Variants in JAKMIP3 observed in about 807,000 individuals in gnomAD.
The protein encoded by JAKMIP3 is janus kinase and microtubule-interacting protein 3.
JAKMIP3 carries 58 observed loss-of-function variants against 118.5 expected under a neutral mutation model. That is an observed-to-expected ratio of 0.49 (90% confidence interval 0.40 to 0.61). JAKMIP3 has a LOEUF of 0.61. JAKMIP3 is among the 20% of genes least tolerant of loss of function. The pLI is 0.00. For missense variants in JAKMIP3, 950 were observed against 1,109.0 expected (o/e 0.86, Z 2.04); for synonymous variants, 486 against 451.2 (o/e 1.08, Z -0.98).
intron 1 of JAKMIP3, among the ~76,000 whole-genome samples, chr10:132,057,034 A>G (rs1411126871): frequency 1.3e-5 from 2 of 152,098 alleles, no homozygotes; most frequent in South Asian, 2.1e-4. Flanking sequence ...CTCTCAGCCT[A>G]TATCCCACCA....
chr10:132,060,067 G>A (rs1054434199), upstream of JAKMIP3, among the ~76,000 whole-genome samples: 1 of 152,314 alleles, frequency 6.6e-6, no homozygotes, highest in East Asian at 1.9e-4. Context: ...AGGCTGCTGC[G>A]AAGACCCTGG....
At chr10:132,164,066 G>A (rs1485659677) in intron 20 of JAKMIP3, among the ~76,000 whole-genome samples, 2 of 152,238 alleles carry the variant, frequency 1.3e-5, no homozygotes, top group African/African-American at 4.8e-5. Context: ...CACCACTAGC[G>A]AAGGCTTAGT....
intron 2 of JAKMIP3, among the ~76,000 whole-genome samples, chr10:132,107,640 A>G (rs925102200): frequency 6.6e-6 from 1 of 152,246 alleles, no homozygotes; most frequent in Non-Finnish European, 1.5e-5. Context: ...CGTAACTGAC[A>G]GCATGCTGGA....
intron 1 of JAKMIP3, among the ~76,000 whole-genome samples, chr10:132,052,178 A>G (rs1007623269): frequency 5.3e-5 from 8 of 152,182 alleles, no homozygotes; most frequent in Non-Finnish European, 1.0e-4. Context: ...GTGAGCTGAG[A>G]TTGTGCCACT....
At chr10:132,060,980 G>A (rs1465529414), upstream of JAKMIP3, among the ~76,000 whole-genome samples, 1 of 152,012 alleles carries the variant, frequency 6.6e-6, no homozygotes, top group African/African-American at 2.4e-5. Flanking sequence ...GGCCAAGATC[G>A]CACCACTGCA....
In JAKMIP3 at chr10:132,135,736, C is replaced by T. The variant is rs940836849; in HGVS notation, c.970-194C>T. On this transcript the variant is annotated intron_variant, in intron 5 of 23. Coordinates refer to ENST00000684848, the MANE Select transcript of JAKMIP3 (RefSeq NM_001323087.2). ...CACCTGGGCACTGGACGAGCAGGTTCACCAGTGCTCTGGGCAAGTGGGTTC... is the reference window on the plus strand; with the variant it reads ...CACCTGGGCACTGGACGAGCAGGTTTACCAGTGCTCTGGGCAAGTGGGTTC... 2.6e-5 allele frequency among the ~76,000 whole-genome samples: 4 copies of T among 152,154 alleles called. No individual in the cohort carries two copies. The South Asian group carries it at 6.2e-4, about 24-fold the overall frequency.
intron 1 of JAKMIP3, among the ~76,000 whole-genome samples, chr10:132,068,055 G>A (rs1173477614): frequency 6.8e-6 from 1 of 146,656 alleles, no homozygotes; most frequent in Non-Finnish European, 1.5e-5. Context: ...CGTGTGGACT[G>A]TGGGCTTCCG....
chr10:132,083,002 T>C (rs991442861), intron 1 of JAKMIP3, among the ~76,000 whole-genome samples: 1 of 152,268 alleles, frequency 6.6e-6, no homozygotes, highest in Admixed American at 6.5e-5. Flanking sequence ...TAAACGTGCA[T>C]GTGCAAGTAT....
chr10:132,142,265 C>T (rs2053669431), intron 11 of JAKMIP3, among the ~76,000 whole-genome samples: 1 of 152,202 alleles, frequency 6.6e-6, no homozygotes, highest in Non-Finnish European at 1.5e-5. Flanking sequence ...GGGACTGGCC[C>T]AGAGCGGTGC....
chr10:132,100,993 G>C (rs2044802952), intron 1 of JAKMIP3, among the ~76,000 whole-genome samples: 1 of 152,108 alleles, frequency 6.6e-6, no homozygotes, highest in South Asian at 2.1e-4. Context: ...ACTCAATATA[G>C]TTACCGTATC....
At chr10:132,102,893 C>A (rs1379775247) in intron 1 of JAKMIP3, among the ~76,000 whole-genome samples, 1 of 151,724 alleles carries the variant, frequency 6.6e-6, no homozygotes, top group Non-Finnish European at 1.5e-5. Context: ...GGGCTGTGTT[C>A]ACCAGGCCGG....
At chr10:132,075,045 T>C (rs2040558750) in intron 1 of JAKMIP3, among the ~76,000 whole-genome samples, 1 of 152,248 alleles carries the variant, frequency 6.6e-6, no homozygotes, top group Non-Finnish European at 1.5e-5. Context: ...ATGTGTCTAT[T>C]TTATACCAGC....
In JAKMIP3 at chr10:132,049,091, CT is replaced by C. The variant is rs544446897; in HGVS notation, c.-138+12358del. On this transcript the variant is annotated intron_variant, in intron 1 of 23. Transcript: ENST00000657785. The surrounding 1 kb of genome is among the most constrained non-coding windows in gnomAD (Gnocchi z 4.3). The stretch of plus-strand genomic sequence containing the variant: ...GGCCGACTCCATCAAGTTAATTGAC[CT>C]TTTTGCCTGGAAGCCTTGAGGATTT... Among the ~76,000 whole-genome samples, 5 of 152,172 alleles carry C rather than the reference CT, an allele frequency of 3.3e-5. No homozygotes were observed. The South Asian group carries it at 8.3e-4, about 25-fold the overall frequency.
At chr10:132,061,221 A>G (rs9665443), upstream of JAKMIP3, among the ~76,000 whole-genome samples, 3 of 35,022 alleles carry the variant, frequency 8.6e-5, no homozygotes, top group Admixed American at 8.7e-4. Flanking sequence ...GTGACGGCGC[A>G]CACATACACC....
intron 23 of JAKMIP3, among the ~76,000 whole-genome samples, chr10:132,169,421 C>G (rs940387472): frequency 6.6e-6 from 1 of 152,220 alleles, no homozygotes; most frequent in Admixed American, 6.5e-5. Context: ...GCCCCACACT[C>G]GGCCCCGGCA....
rs183081379 is a variant in JAKMIP3 at position 132,134,970 on chromosome 10, G to A, written c.850-71G>A. ...ACGGCAGCGTTTTTGTTCCCGTAGC[G>A]TGCTGGGATTTGCAAAGGCTTCCCA... is the stretch of plus-strand genomic sequence containing the variant. On this transcript the variant is annotated intron_variant, in intron 4 of 23. Coordinates refer to ENST00000684848, the MANE Select transcript of JAKMIP3 (RefSeq NM_001323087.2). The A allele has an allele frequency of 7.0e-4, 1,099 of 1,580,246 alleles. 8 individuals carry two copies. Among genetic ancestry groups the A allele is most frequent in the Middle Eastern group, 5.9e-3 (35 of 5,942 alleles).
chr10:132,087,304 T>C (rs138906447), intron 1 of JAKMIP3, among the ~76,000 whole-genome samples: 4 of 152,296 alleles, frequency 2.6e-5, no homozygotes, highest in Middle Eastern at 3.4e-3. Flanking sequence ...CTTTTCTCTG[T>C]CTTAACTTTA....
At chr10:132,181,440 C>T (rs1440134979) in intron 23 of JAKMIP3, 1 of 152,190 alleles carries the variant, frequency 6.6e-6, no homozygotes, top group Non-Finnish European at 1.5e-5. Flanking sequence ...AGGGAAATCC[C>T]TGTTTTACAT....
intron 3 of JAKMIP3, among the ~76,000 whole-genome samples, chr10:132,132,876 A>G (rs2050905799): frequency 1.3e-5 from 2 of 152,202 alleles, no homozygotes; most frequent in South Asian, 4.1e-4. Context: ...TTTAGGGAAG[A>G]AACTTGGCCG....
Sources: allele counts gnomAD v4.1 joint callset (sites outside exome capture counted in the v4.1 genomes callset), GRCh38; gene constraint gnomAD v4.1.1; non-coding constraint Gnocchi (gnomAD v3.1); transcripts MANE v1.5; gene names NCBI Gene and HGNC (gene_info 2026-07-23, HGNC 2026-07-21).